GDAP2: variants seen among roughly 807,000 people sequenced by gnomAD.
GDAP2 encodes ganglioside induced differentiation associated protein 2.
In GDAP2, 51 loss-of-function variants were observed where a neutral mutation model predicts 67.0. That is an observed-to-expected ratio of 0.76 (90% CI 0.61 to 0.96). GDAP2 has a LOEUF of 0.96. Among genes scored for constraint, GDAP2 ranks in the 40% least tolerant of loss-of-function variants. The probability of loss-of-function intolerance (pLI) is 0.00; values close to 1 mark genes in which losing one functional copy is unlikely to be tolerated. For missense variants in GDAP2, 547 were observed against 588.3 expected (o/e 0.93, Z 0.73); for synonymous variants, 203 against 207.3 (o/e 0.98, Z 0.18).
chr1:117,877,218 G>A (rs1481962408), intron 13 of GDAP2: 2 of 853,796 alleles, frequency 2.3e-6, no homozygotes, highest in Non-Finnish European at 2.8e-6. Flanking sequence ...ATGTTAGAGA[G>A]AAATTGTGTT....
chr1:117,927,843 A>G (rs1420949012), intron 1 of GDAP2, among the ~76,000 whole-genome samples: 1 of 152,234 alleles, frequency 6.6e-6, no homozygotes, highest in African/African-American at 2.4e-5. Flanking sequence ...ACAGTAAATT[A>G]GTAGTACCCC....
intron 8 of GDAP2, among the ~76,000 whole-genome samples, chr1:117,891,616 C>G (rs1396753061): frequency 1.3e-5 from 2 of 152,008 alleles, no homozygotes; most frequent in African/African-American, 4.8e-5. Context: ...AGTTGTAGTT[C>G]TTTACACATT....
chr1:117,907,176 C>G (rs1649685201), intron 5 of GDAP2, among the ~76,000 whole-genome samples: 1 of 152,182 alleles, frequency 6.6e-6, no homozygotes, highest in South Asian at 2.1e-4. Flanking sequence ...CTGGCCTTTA[C>G]TTCAGTTCTT....
At position 117,866,332 on chromosome 1, in the gene GDAP2, G is replaced by A. The variant is rs1217271047; in HGVS notation, c.*4237C>T. On this transcript the variant is annotated 3_prime_UTR_variant, in exon 14 of 14. Transcript: ENST00000369443. Reference sequence around the variant, plus strand: ...CAGGAATTGCGCTGGATGGCACTTTGATCTTGGGGTTTCTCAGCCTCCAAC... The same window carrying A: ...CAGGAATTGCGCTGGATGGCACTTTAATCTTGGGGTTTCTCAGCCTCCAAC... 2 of 152,174 alleles carry A rather than the reference G, an allele frequency of 1.3e-5. No individual in the cohort carries two copies. The highest frequency in any genetic ancestry group is 2.9e-5 in the Non-Finnish European group (2 of 68,030). The allele number at this position is 152,174 out of a possible 1,614,324, so 9.4% of individuals were successfully genotyped here.
At chr1:117,915,239 T>C (rs1261561645) in intron 3 of GDAP2, among the ~76,000 whole-genome samples, 7 of 152,186 alleles carry the variant, frequency 4.6e-5, no homozygotes, top group Admixed American at 4.6e-4. Context: ...ATGTCAAGTT[T>C]ATAGGAAATA....
chr1:117,881,764 T>C (rs1016994284), intron 12 of GDAP2, 59 bp downstream of exon 12: 7 of 861,892 alleles, frequency 8.1e-6, no homozygotes, highest in African/African-American at 1.7e-5. Context: ...ATTATCTTAA[T>C]ACTCTGGGCA....
chr1:117,918,780 A>G lies in GDAP2; in HGVS notation c.177-44T>C. The G allele has an allele frequency of 9.6e-6, 14 of 1,460,320 alleles. No individual in the cohort carries two copies. The South Asian group carries it at 1.6e-4, about 17-fold the overall frequency. The allele number at this position is 1,460,320 out of a possible 1,614,324, so 90.5% of individuals were successfully genotyped here. A position where few individuals can be genotyped will look rare whatever the true frequency, so the allele number is the denominator to read the frequency against. On this transcript the variant is annotated intron_variant, in intron 2 of 13. Transcript: ENST00000369443. ...ATGAACAAGTGTGGGGAAAAAGAAG[A>G]AAAGAAACCTAGTTTCTAATTATTT...
chr1:117,905,500 G>C (rs530761410), intron 6 of GDAP2, among the ~76,000 whole-genome samples: 3 of 152,098 alleles, frequency 2.0e-5, no homozygotes, highest in African/African-American at 7.2e-5. Flanking sequence ...CACTTCCTAT[G>C]GGAAGCATTT....
chr1:117,877,148 T>A (rs1352056222), intron 13 of GDAP2: 1 of 232,502 alleles, frequency 4.3e-6, no homozygotes, highest in Non-Finnish European at 7.1e-6. Flanking sequence ...AGCCATTAGA[T>A]CACATTATAC....
chr1:117,927,774 T>A (rs1650503998), intron 1 of GDAP2, among the ~76,000 whole-genome samples: 1 of 152,188 alleles, frequency 6.6e-6, no homozygotes, highest in East Asian at 1.9e-4. Context: ...CCTAAGCTTG[T>A]CAATGGCTTG....
At chr1:117,880,778 C>T (rs1227372822) in intron 12 of GDAP2, among the ~76,000 whole-genome samples, 1 of 152,186 alleles carries the variant, frequency 6.6e-6, no homozygotes, top group Admixed American at 6.5e-5. Context: ...GGGACAACTA[C>T]TGCCACCTAT....
At chr1:117,878,905 G>A (rs767241396) in intron 12 of GDAP2, among the ~76,000 whole-genome samples, 12 of 152,176 alleles carry the variant, frequency 7.9e-5, no homozygotes, top group African/African-American at 1.2e-4. Flanking sequence ...GTCCTATGAG[G>A]CAGGTATGAT....
At position 117,874,698 on chromosome 1, in the gene GDAP2, T is replaced by C. The variant is rs192690669; in HGVS notation, c.1446+3311A>G. ...AAGGATCAGAAGACAACAGAAAGAC[T>C]TAGGGAAAGTTTGAAACTTCTTAGA... On this transcript the variant is annotated intron_variant, in intron 13 of 13. Coordinates refer to ENST00000369443, the MANE Select transcript of GDAP2 (RefSeq NM_017686.4). 6.3e-3 allele frequency among the ~76,000 whole-genome samples: 957 copies of C among 152,212 alleles called. 7 individuals are homozygous for C. The highest frequency in any genetic ancestry group is 0.01 in the Non-Finnish European group (711 of 67,994).
chr1:117,922,897 AG>A (rs1650307958), intron 1 of GDAP2, among the ~76,000 whole-genome samples: 1 of 152,176 alleles, frequency 6.6e-6, no homozygotes, highest in African/African-American at 2.4e-5. Flanking sequence ...GCAGGAGACT[AG>A]GGCATGTTTC....
intron 10 of GDAP2, among the ~76,000 whole-genome samples, chr1:117,884,089 C>CAA (rs1648764660): frequency 6.6e-6 from 1 of 152,134 alleles, no homozygotes; most frequent in African/African-American, 2.4e-5. Context: ...TCATGGCCTG[C>CAA]ACATAACCAA....
intron 6 of GDAP2, among the ~76,000 whole-genome samples, chr1:117,903,286 T>A (rs1343535164): frequency 1.3e-5 from 2 of 152,160 alleles, no homozygotes; most frequent in Non-Finnish European, 2.9e-5. Context: ...TAGCCAAATG[T>A]CTTGACTAGA....
At chr1:117,875,082 C>T (rs1304273014) in intron 13 of GDAP2, among the ~76,000 whole-genome samples, 1 of 152,126 alleles carries the variant, frequency 6.6e-6, no homozygotes, top group African/African-American at 2.4e-5. Flanking sequence ...TCAGCCTAGG[C>T]ATGTGGTAGA....
intron 13 of GDAP2, among the ~76,000 whole-genome samples, chr1:117,876,649 A>C (rs1412083122): frequency 6.6e-6 from 1 of 152,208 alleles, no homozygotes; most frequent in Non-Finnish European, 1.5e-5. Flanking sequence ...GCTTGTATTT[A>C]TACAAAAATA....
chr1:117,880,371 T>C (rs1400367048), intron 12 of GDAP2, among the ~76,000 whole-genome samples: 3 of 152,132 alleles, frequency 2.0e-5, no homozygotes, highest in African/African-American at 7.2e-5. Flanking sequence ...AAAGTGTCTA[T>C]TAGATTTAGT....
Sources: gnomAD v4.1 joint callset for allele counts (sites outside exome capture counted in the v4.1 genomes callset) on GRCh38, gnomAD v4.1.1 for gene constraint, MANE v1.5 for transcripts, NCBI Gene and HGNC (gene_info 2026-07-23, HGNC 2026-07-21) for gene names.